Variants in OPCML observed in about 807,000 individuals in gnomAD.
OPCML encodes opioid-binding protein/cell adhesion molecule.
Under a neutral mutation model 37.8 loss-of-function variants are expected in OPCML, and 13 were observed. The observed-to-expected ratio is 0.34, with a 90% CI of 0.22 to 0.55. The LOEUF (loss-of-function observed/expected upper bound fraction) is 0.55. Among genes scored for constraint, OPCML ranks in the 20% least tolerant of loss-of-function variants. The pLI, the probability that OPCML is intolerant of heterozygous loss-of-function variation, is 0.91. For missense variants in OPCML, 341 were observed against 435.6 expected (o/e 0.78, Z 1.93); for synonymous variants, 176 against 168.8 (o/e 1.04, Z -0.33).
At chr11:133,253,647 T>C (rs759452220) in intron 1 of OPCML, among the ~76,000 whole-genome samples, 22 of 152,162 alleles carry the variant, frequency 1.4e-4, no homozygotes, top group Non-Finnish European at 2.6e-4. Flanking sequence ...AAATAAACCT[T>C]ATAAGCAGCC....
At chr11:133,472,776 A>G (rs1947146996) in intron 1 of OPCML, among the ~76,000 whole-genome samples, 1 of 152,038 alleles carries the variant, frequency 6.6e-6, no homozygotes. Flanking sequence ...TGAAAGTCCA[A>G]GATTAGCTGA....
At chr11:133,495,648 C>G (rs1947769713) in intron 1 of OPCML, among the ~76,000 whole-genome samples, 1 of 152,166 alleles carries the variant, frequency 6.6e-6, no homozygotes, top group South Asian at 2.1e-4. Flanking sequence ...ATTTCTTTGA[C>G]CATTAGTGAT....
chr11:133,323,959 G>A (rs118170225), intron 1 of OPCML, among the ~76,000 whole-genome samples: 1 of 152,150 alleles, frequency 6.6e-6, no homozygotes, highest in African/African-American at 2.4e-5. Context: ...CAGAAGGGAG[G>A]TTATTTGTTC....
At chr11:132,616,393 T>A (rs902880336) in intron 3 of OPCML, among the ~76,000 whole-genome samples, 1 of 152,216 alleles carries the variant, frequency 6.6e-6, no homozygotes, top group Non-Finnish European at 1.5e-5. Flanking sequence ...ATCTTGGATG[T>A]TAGAAGCAAG....
intron 1 of OPCML, among the ~76,000 whole-genome samples, chr11:133,103,676 AT>A (rs1949117640): frequency 1.3e-5 from 2 of 152,156 alleles, no homozygotes; most frequent in African/African-American, 2.4e-5. Context: ...AATGAATTTC[AT>A]TTTGTCCCAA....
In OPCML at chr11:133,422,980, T is replaced by C. The variant is rs1945923052; in HGVS notation, c.61+109284A>G. ...TGGCATGTCATATAATGAGACAGTG[T>C]GTACAAAGTGCCTTACTTCCTTCTT... On this transcript the variant is annotated intron_variant, in intron 1 of 7. Coordinates refer to ENST00000524381, the MANE Select transcript of OPCML (RefSeq NM_001012393.5). 3.0e-6 allele frequency: 3 copies of C among 985,248 alleles called. No individual in the cohort carries two copies. In the African/African-American group the frequency reaches 5.2e-5, roughly 17 times the overall value. The allele number at this position is 985,248 out of a possible 1,614,324, so 61.0% of individuals were successfully genotyped here.
At chr11:133,366,145 C>T (rs1281422413) in intron 1 of OPCML, 1 of 152,256 alleles carries the variant, frequency 6.6e-6, no homozygotes, top group Non-Finnish European at 1.5e-5. Context: ...TATGTTACCA[C>T]CTCCTTCCTC....
rs187836416 is a variant in OPCML at position 132,904,209 on chromosome 11, A to C, written c.146+38717T>G. On this transcript the variant is annotated intron_variant, in intron 2 of 7. Coordinates refer to ENST00000524381, the MANE Select transcript of OPCML (RefSeq NM_001012393.5). The stretch of plus-strand genomic sequence containing the variant: ...TTGTCAATCTACTGATTCAGGAAAC[A>C]CTTTTCACCTATTTGGCCATTAATA... Among the ~76,000 whole-genome samples, 3 of 152,322 alleles carry C rather than the reference A, an allele frequency of 2.0e-5. No individual in the cohort carries two copies. The East Asian group carries it at 5.8e-4, about 29-fold the overall frequency.
intron 2 of OPCML, among the ~76,000 whole-genome samples, chr11:132,904,021 T>C (rs935270293): frequency 6.6e-6 from 1 of 152,212 alleles, no homozygotes; most frequent in Non-Finnish European, 1.5e-5. Context: ...CAATATATAA[T>C]TCTAGGTGAC....
intron 1 of OPCML, among the ~76,000 whole-genome samples, chr11:133,350,117 C>G (rs1202866421): frequency 1.3e-5 from 2 of 152,154 alleles, no homozygotes; most frequent in East Asian, 1.9e-4. Context: ...TTTTCTCAGT[C>G]ACTGCAGCAA....
intron 1 of OPCML, among the ~76,000 whole-genome samples, chr11:133,043,086 C>T (rs1448976892): frequency 6.6e-6 from 1 of 152,126 alleles, no homozygotes; most frequent in East Asian, 1.9e-4. Context: ...CACTTGGACC[C>T]CTGGGCAGCC....
At chr11:132,942,836 TC>T (rs1945627723) in intron 2 of OPCML, 89 bp downstream of exon 2, 1 of 1,528,256 alleles carries the variant, frequency 6.5e-7, no homozygotes. Context: ...CGCGTTCCGG[TC>T]CCCCATGGAG....
intron 1 of OPCML, among the ~76,000 whole-genome samples, chr11:133,236,108 T>A (rs1174639431): frequency 6.6e-6 from 1 of 152,134 alleles, no homozygotes; most frequent in Non-Finnish European, 1.5e-5. Flanking sequence ...AATAGAACAA[T>A]GATGACCATA....
intron 1 of OPCML, among the ~76,000 whole-genome samples, chr11:133,326,739 G>A (rs1943472016): frequency 7.0e-6 from 1 of 141,922 alleles, no homozygotes; most frequent in South Asian, 2.4e-4. Flanking sequence ...GTATATAAGT[G>A]GGGGAGGTGT....
chr11:132,937,592 T>TGG (rs200440152), intron 2 of OPCML, among the ~76,000 whole-genome samples: 1,111 of 86,856 alleles, frequency 0.013, 26 homozygotes, highest in African/African-American at 0.038. Flanking sequence ...GTGGCGTGTG[T>TGG]GGGGTGTGTG....
At chr11:133,165,643 G>A (rs144904768) in intron 1 of OPCML, among the ~76,000 whole-genome samples, 2 of 152,250 alleles carry the variant, frequency 1.3e-5, no homozygotes, top group African/African-American at 4.8e-5. Context: ...CCCCGAGGGT[G>A]GAGGCTGTGC....
At chr11:133,251,694 T>C (rs867798038) in intron 1 of OPCML, among the ~76,000 whole-genome samples, 20 of 151,842 alleles carry the variant, frequency 1.3e-4, no homozygotes, top group Middle Eastern at 3.4e-3. Context: ...TATCAAAGAG[T>C]CTGTCAAAAT....
At chr11:133,428,634 T>C (rs1215306705) in intron 1 of OPCML, among the ~76,000 whole-genome samples, 1 of 151,998 alleles carries the variant, frequency 6.6e-6, no homozygotes, top group Non-Finnish European at 1.5e-5. Context: ...ACAAGACACA[T>C]GTAAGAACTA....
chr11:133,337,628 A>G (rs1943772501), intron 1 of OPCML, among the ~76,000 whole-genome samples: 3 of 152,258 alleles, frequency 2.0e-5, no homozygotes, highest in Admixed American at 1.3e-4. Flanking sequence ...GACTCCTCAT[A>G]TCTATCAATT....
Sources: gnomAD v4.1 joint callset for allele counts (sites outside exome capture counted in the v4.1 genomes callset) on GRCh38, gnomAD v4.1.1 for gene constraint, MANE v1.5 for transcripts, NCBI Gene and HGNC (gene_info 2026-07-23, HGNC 2026-07-21) for gene names.